The following BCAT1 variants were observed in gnomAD, a reference collection of about 807,000 sequenced individuals.
BCAT1 encodes branched-chain-amino-acid aminotransferase, cytosolic.
Under a neutral mutation model 52.4 loss-of-function variants are expected in BCAT1, and 48 were observed. The ratio of observed to expected loss-of-function variants is 0.92; its 90% CI spans 0.73 to 1.16. The LOEUF is 1.16. Ranked by LOEUF, BCAT1 falls within the 50% of genes most tolerant of loss-of-function variation. The probability of loss-of-function intolerance (pLI) is 0.00; values close to 1 mark genes in which losing one functional copy is unlikely to be tolerated. For missense variants in BCAT1, 451 were observed against 457.1 expected, an observed-to-expected ratio of 0.99 and a Z score of 0.12; for synonymous variants, 167 against 161.3, an observed-to-expected ratio of 1.04 and a Z score of -0.27.
chr12:24,880,446 G>T (rs1022888202), intron 4 of BCAT1, among the ~76,000 whole-genome samples: 5 of 152,014 alleles, frequency 3.3e-5, no homozygotes, highest in Non-Finnish European at 5.9e-5. Flanking sequence ...GACAGAGTGA[G>T]ACTCTCTCTC....
chr12:24,822,561 G>C (rs1303644228), intron 10 of BCAT1, among the ~76,000 whole-genome samples: 1 of 152,186 alleles, frequency 6.6e-6, no homozygotes, highest in Non-Finnish European at 1.5e-5. Context: ...TGGAGAAACA[G>C]ACAATCTAGG....
At chr12:24,903,149 C>G (rs1943163659) in intron 1 of BCAT1, 2 of 1,293,328 alleles carry the variant, frequency 1.5e-6, no homozygotes, top group Admixed American at 8.2e-5. Flanking sequence ...CAGGGTACGA[C>G]GCAACCCCTC....
intron 1 of BCAT1, among the ~76,000 whole-genome samples, chr12:24,925,240 G>A (rs1943560442): frequency 6.6e-6 from 1 of 152,110 alleles, no homozygotes; most frequent in South Asian, 2.1e-4. Context: ...GAAGGAATTT[G>A]GCCTCAGGAC....
chr12:24,821,064 C>T (rs764136875), intron 10 of BCAT1, among the ~76,000 whole-genome samples: 13 of 152,154 alleles, frequency 8.5e-5, no homozygotes, highest in African/African-American at 1.2e-4. Flanking sequence ...CTGAGTCACA[C>T]GAGGGCAGTC....
At chr12:24,928,914 T>C (rs1461654502) in intron 1 of BCAT1, among the ~76,000 whole-genome samples, 1 of 151,874 alleles carries the variant, frequency 6.6e-6, no homozygotes, top group Non-Finnish European at 1.5e-5. Flanking sequence ...TTTTTTATTT[T>C]ATTTTATTTT....
chr12:24,822,096 G>A (rs551257818), intron 10 of BCAT1, among the ~76,000 whole-genome samples: 1 of 152,100 alleles, frequency 6.6e-6, no homozygotes, highest in Non-Finnish European at 1.5e-5. Context: ...GAAACACGTC[G>A]ACAACACGGC....
intron 10 of BCAT1, among the ~76,000 whole-genome samples, chr12:24,820,735 G>A (rs1940084382): frequency 6.6e-6 from 1 of 152,138 alleles, no homozygotes; most frequent in South Asian, 2.1e-4. Flanking sequence ...TTAATCTTTT[G>A]CAAATTCCAG....
At chr12:24,887,244 A>G (rs1034474215) in intron 3 of BCAT1, among the ~76,000 whole-genome samples, 8 of 151,110 alleles carry the variant, frequency 5.3e-5, no homozygotes, top group South Asian at 2.1e-4. Flanking sequence ...TGTCTGGAAG[A>G]CCCCTTGTAG....
chr12:24,942,175 A>G (rs927575668), intron 1 of BCAT1, among the ~76,000 whole-genome samples: 1 of 152,226 alleles, frequency 6.6e-6, no homozygotes, highest in African/African-American at 2.4e-5. Flanking sequence ...GCAATGGGAA[A>G]GAGAGAACCT....
At chr12:24,849,341 G>C (rs531999920) in intron 6 of BCAT1, among the ~76,000 whole-genome samples, 1 of 152,194 alleles carries the variant, frequency 6.6e-6, no homozygotes, top group Non-Finnish European at 1.5e-5. Flanking sequence ...TCAGTGAAGC[G>C]GGCACCTTCC....
At position 24,887,061 on chromosome 12, in the gene BCAT1, T is replaced by TAAAAAA. The variant is rs1171691492; in HGVS notation, c.280-5656_280-5651dup. ...CTGGAAGAACGAGAGAGATGCTAGCTAAAAAAAAAAAAAAAAAAAATATAT... is the reference window on the plus strand; with the variant it reads ...CTGGAAGAACGAGAGAGATGCTAGCTAAAAAAAAAAAAAAAAAAAAAAAAAATATAT... On this transcript the variant is annotated intron_variant, in intron 3 of 10. Coordinates refer to ENST00000261192, the MANE Select transcript of BCAT1 (RefSeq NM_005504.7). Among the ~76,000 whole-genome samples the TAAAAAA allele has an allele frequency of 4.7e-3, 36 of 7,580 alleles. 6 individuals carry two copies. The highest frequency in any genetic ancestry group is 7.2e-3 in the Non-Finnish European group (35 of 4,864). The allele number at this position is 7,580 out of a possible 152,430, so 5.0% of individuals were successfully genotyped here. A position where few individuals can be genotyped will look rare whatever the true frequency, so the allele number is the denominator to read the frequency against.
chr12:24,860,296 C>G (rs1352748030), intron 5 of BCAT1, among the ~76,000 whole-genome samples: 2 of 152,186 alleles, frequency 1.3e-5, no homozygotes, highest in Non-Finnish European at 2.9e-5. Context: ...CAGGAATTAA[C>G]AGCATGGACT....
intron 10 of BCAT1, among the ~76,000 whole-genome samples, chr12:24,818,666 T>A (rs1307638831): frequency 6.6e-6 from 1 of 152,220 alleles, no homozygotes; most frequent in African/African-American, 2.4e-5. Context: ...GACTCTGTTC[T>A]CTAAATCAAA....
rs1196602385 is a variant in BCAT1 at position 24,810,327 on chromosome 12, T to A, written c.*7681A>T. The A allele has an allele frequency of 1.3e-5, 2 of 152,176 alleles. No homozygotes were observed. The highest frequency in any genetic ancestry group is 2.9e-5 in the Non-Finnish European group (2 of 68,034). The allele number at this position is 152,176 out of a possible 1,614,324, so 9.4% of individuals were successfully genotyped here. ...AAATTATCACAATATAAGGCACATA[T>A]GTATATGGAATCAGATTCATGATTT... On this transcript the variant is annotated 3_prime_UTR_variant, in exon 11 of 11. Coordinates refer to ENST00000261192, the MANE Select transcript of BCAT1 (RefSeq NM_005504.7).
rs546887368 is a variant in BCAT1 at position 24,845,914 on chromosome 12, T to G, written c.675-3690A>C. On this transcript the variant is annotated intron_variant, in intron 6 of 10. Transcript: ENST00000261192. ...TCTAAAAACTAATAATAATAACTAT[T>G]TTATTTGAATTTTTTCTCATTCGTA... Among the ~76,000 whole-genome samples the G allele has an allele frequency of 4.6e-5, 7 of 152,264 alleles. No homozygotes were observed. In the South Asian group the frequency reaches 1.5e-3, roughly 32 times the overall value.
intron 9 of BCAT1, among the ~76,000 whole-genome samples, chr12:24,831,663 C>A (rs1434462545): frequency 1.3e-5 from 2 of 152,054 alleles, no homozygotes; most frequent in Non-Finnish European, 2.9e-5. Flanking sequence ...AACAAACAAA[C>A]AAAAAAAGTT....
chr12:24,887,080 A>AAAAAAAAAAAATATATAT (rs1245203518), intron 3 of BCAT1, among the ~76,000 whole-genome samples: 13 of 40,738 alleles, frequency 3.2e-4, no homozygotes, highest in Admixed American at 5.9e-4. Flanking sequence ...AAAAAAAAAA[A>AAAAAAAAAAAATATATAT]ATATATATAT....
At position 24,824,123 on chromosome 12, in the gene BCAT1, C is replaced by T. The variant is rs1940271439; in HGVS notation, c.1119+5700G>A. Among the ~76,000 whole-genome samples the T allele has an allele frequency of 2.0e-5, 3 of 152,134 alleles. No individual in the cohort carries two copies. The South Asian group carries it at 6.2e-4, about 32-fold the overall frequency. On this transcript the variant is annotated intron_variant, in intron 10 of 10. Transcript: ENST00000261192. ...CTTCATGATCATGTCTGCCAAACACCTCCACTTAGATCTTTATACCAATTC... is the reference window on the plus strand; with the variant it reads ...CTTCATGATCATGTCTGCCAAACACTTCCACTTAGATCTTTATACCAATTC...
At chr12:24,846,913 A>G (rs532497278) in intron 6 of BCAT1, among the ~76,000 whole-genome samples, 4 of 152,158 alleles carry the variant, frequency 2.6e-5, no homozygotes, top group Non-Finnish European at 5.9e-5. Flanking sequence ...CCTAGACTTT[A>G]TTGTTCATTG....
Sources: allele counts gnomAD v4.1 joint callset (sites outside exome capture counted in the v4.1 genomes callset), GRCh38; gene constraint gnomAD v4.1.1; transcripts MANE v1.5; gene names NCBI Gene and HGNC (gene_info 2026-07-23, HGNC 2026-07-21).